Variants in TMTC4 observed in about 807,000 individuals in gnomAD.
TMTC4 encodes the protein transmembrane O-mannosyltransferase targeting cadherins 4.
In TMTC4, 65 loss-of-function variants were observed where a neutral mutation model predicts 86.0. That is an observed-to-expected ratio of 0.76 (90% CI 0.62 to 0.93). The LOEUF is 0.93. TMTC4 is among the 40% of genes least tolerant of loss of function. The pLI is 0.00. For synonymous variants in TMTC4, 379 were observed against 382.5 expected (o/e 0.99, Z 0.11); for missense variants, 866 against 948.1 (o/e 0.91, Z 1.14).
chr13:100,608,710 G>C (rs888379655), intron 17 of TMTC4, among the ~76,000 whole-genome samples: 1 of 152,160 alleles, frequency 6.6e-6, no homozygotes, highest in Non-Finnish European at 1.5e-5. Flanking sequence ...TTTATAAATT[G>C]ATCTTCTGTG....
At chr13:100,672,738 T>C (rs1487961711) in intron 1 of TMTC4, among the ~76,000 whole-genome samples, 1 of 152,178 alleles carries the variant, frequency 6.6e-6, no homozygotes, top group African/African-American at 2.4e-5. Flanking sequence ...GCGATCCTCC[T>C]GCCTCAGCCT....
intron 16 of TMTC4, among the ~76,000 whole-genome samples, chr13:100,613,780 C>CCCTT (rs1197890231): frequency 6.9e-6 from 1 of 145,348 alleles, no homozygotes; most frequent in East Asian, 2.0e-4. Context: ...CTCCCTCCCT[C>CCCTT]CCTTCCTTCC....
chr13:100,654,437 G>C (rs890676483), intron 6 of TMTC4, among the ~76,000 whole-genome samples: 2 of 152,114 alleles, frequency 1.3e-5, no homozygotes, highest in African/African-American at 2.4e-5. Context: ...TTTCTCATGA[G>C]TCAAAGTGTT....
intron 9 of TMTC4, among the ~76,000 whole-genome samples, chr13:100,637,165 C>T (rs1882348007): frequency 6.6e-6 from 1 of 152,078 alleles, no homozygotes; most frequent in Non-Finnish European, 1.5e-5. Flanking sequence ...AAAGGCAAAT[C>T]TAAAAGAATA....
At chr13:100,665,892 G>C in intron 3 of TMTC4, 1 of 382,808 alleles carries the variant, frequency 2.6e-6, no homozygotes, top group East Asian at 7.5e-5. Context: ...CTCCCCAAGA[G>C]CAGGTTAGAG....
chr13:100,642,654 T>C (rs749857873), intron 6 of TMTC4, among the ~76,000 whole-genome samples: 1 of 152,172 alleles, frequency 6.6e-6, no homozygotes, highest in African/African-American at 2.4e-5. Flanking sequence ...ACGAGTCTTT[T>C]TGAGAACTCT....
intron 15 of TMTC4, among the ~76,000 whole-genome samples, chr13:100,618,628 A>G (rs1274663735): frequency 6.6e-6 from 1 of 151,622 alleles, no homozygotes; most frequent in Non-Finnish European, 1.5e-5. Flanking sequence ...TAGGCAGAGG[A>G]CCCTGCGGCC....
At chr13:100,625,495 C>G (rs754397568) in intron 15 of TMTC4, 40 bp downstream of exon 15, 1 of 1,608,816 alleles carries the variant, frequency 6.2e-7, no homozygotes, top group Non-Finnish European at 8.5e-7. Flanking sequence ...GAAAAATAAC[C>G]CATCTTTCCT....
At chr13:100,642,354 C>T in intron 6 of TMTC4, 43 bp from the exon 7 acceptor site, 1 of 1,603,432 alleles carries the variant, frequency 6.2e-7, no homozygotes, top group Non-Finnish European at 8.5e-7. Context: ...TCATGGAATG[C>T]AGCTCAGTTT....
rs1188877360 is a variant in TMTC4 at position 100,674,703 on chromosome 13, C to T, written c.-208+41G>A. The stretch of plus-strand genomic sequence containing the variant: ...GCTCCGCGTCCAACTCCGCTCGCCC[C>T]GCGGCGCGCTCGGCCCTGCAGGGGC... On this transcript the variant is annotated intron_variant, in intron 1 of 18. Transcript: ENST00000342624. 7 of 983,424 alleles carry T rather than the reference C, an allele frequency of 7.1e-6. No individual in the cohort carries two copies. In the African/African-American group the frequency reaches 1.2e-4, roughly 17 times the overall value. The allele number at this position is 983,424 out of a possible 1,614,324, so 60.9% of individuals were successfully genotyped here.
At chr13:100,649,367 G>A (rs1209763143) in intron 6 of TMTC4, among the ~76,000 whole-genome samples, 1 of 152,140 alleles carries the variant, frequency 6.6e-6, no homozygotes, top group Non-Finnish European at 1.5e-5. Flanking sequence ...GGTGACTAAT[G>A]CTAATAATTA....
intron 6 of TMTC4, among the ~76,000 whole-genome samples, chr13:100,643,808 G>A (rs1181820056): frequency 3.9e-5 from 6 of 152,168 alleles, no homozygotes; most frequent in Non-Finnish European, 8.8e-5. Context: ...AGCTTAGAGG[G>A]GGATGGAATT....
At chr13:100,632,372 T>C (rs1881565193) in intron 12 of TMTC4, among the ~76,000 whole-genome samples, 1 of 152,170 alleles carries the variant, frequency 6.6e-6, no homozygotes, top group African/African-American at 2.4e-5. Flanking sequence ...TCTAAAAAGC[T>C]GAGTGAGAGG....
In TMTC4 at chr13:100,626,166, A is replaced by G. The variant is rs1472162101; in HGVS notation, c.1507-16T>C. On this transcript the variant is annotated splice_polypyrimidine_tract_variant and intron_variant, in intron 12 of 18. Transcript: ENST00000342624. ...TGTAGTGAACCTGCAGACAGAGAAT[A>G]ATTGGGCCATCAGCAGACAGACTTC... is the stretch of plus-strand genomic sequence containing the variant. The G allele has an allele frequency of 6.2e-7, 1 of 1,613,812 alleles. No homozygotes were observed. Among genetic ancestry groups the G allele is most frequent in the South Asian group, 1.1e-5 (1 of 91,060 alleles).
Position 100,656,374 on chromosome 13 carries a change from T to C in TMTC4, c.640+7A>G. On this transcript the variant is annotated splice_region_variant and intron_variant, in intron 6 of 18. Transcript: ENST00000342624. ...TGGAAAATTAAGAAGGCAAACAGAA[T>C]GCTTACTTTCTCTAAATGCTTTACA... 1 of 1,609,296 alleles carries C rather than the reference T, an allele frequency of 6.2e-7. No homozygotes were observed. Among genetic ancestry groups the C allele is most frequent in the Non-Finnish European group, 8.5e-7 (1 of 1,178,284 alleles).
intron 17 of TMTC4, among the ~76,000 whole-genome samples, chr13:100,607,711 A>C (rs1166029026): frequency 6.6e-6 from 1 of 152,160 alleles, no homozygotes; most frequent in Non-Finnish European, 1.5e-5. Flanking sequence ...GGTACCCCTG[A>C]GAAATTGGCT....
chr13:100,656,517 G>T, intron 5 of TMTC4, 49 bp from the exon 6 acceptor site: 1 of 1,110,746 alleles, frequency 9.0e-7, no homozygotes, highest in Non-Finnish European at 1.3e-6. Context: ...CACATTTAAG[G>T]AAATCCTAAA....
chr13:100,612,336 CT>C (rs1310461166), intron 17 of TMTC4, 61 bp downstream of exon 17: 3 of 1,283,432 alleles, frequency 2.3e-6, no homozygotes, highest in Non-Finnish European at 3.3e-6. Context: ...AGAAGTAACA[CT>C]TACGTCTTCT....
intron 6 of TMTC4, among the ~76,000 whole-genome samples, chr13:100,656,092 C>T (rs1885076100): frequency 6.6e-6 from 1 of 152,194 alleles, no homozygotes; most frequent in Admixed American, 6.5e-5. Context: ...TATAATTTTG[C>T]AGGAAATAAA....
Sources: allele counts gnomAD v4.1 joint callset (sites outside exome capture counted in the v4.1 genomes callset), GRCh38; gene constraint gnomAD v4.1.1; transcripts MANE v1.5; gene names NCBI Gene and HGNC (gene_info 2026-07-23, HGNC 2026-07-21).